The following HHAT variants were observed in gnomAD, a reference collection of about 807,000 sequenced individuals.
The protein encoded by HHAT is protein-cysteine N-palmitoyltransferase HHAT.
In HHAT, 47 loss-of-function variants were observed where a neutral mutation model predicts 70.8. That is an observed-to-expected ratio of 0.66 (90% CI 0.53 to 0.85). The LOEUF is 0.85. Among genes scored for constraint, HHAT ranks in the 40% least tolerant of loss-of-function variants. The pLI is 0.00. For synonymous variants in HHAT, 228 were observed against 247.6 expected (o/e 0.92, Z 0.74); for missense variants, 609 against 604.8 (o/e 1.01, Z -0.07).
chr1:210,387,636 A>G, intron 4 of HHAT, 55 bp downstream of exon 4: 3 of 1,374,652 alleles, frequency 2.2e-6, no homozygotes, highest in Non-Finnish European at 3.1e-6. Context: ...GCTTCTTGTG[A>G]AGAAAGAGTC....
intron 3 of HHAT, among the ~76,000 whole-genome samples, chr1:210,378,532 C>T (rs2090401046): frequency 6.6e-6 from 1 of 151,972 alleles, no homozygotes; most frequent in Non-Finnish European, 1.5e-5. Flanking sequence ...AGGTCATTTC[C>T]TTGTTTTTCT....
chr1:210,600,768 T>G (rs1664088019), intron 10 of HHAT, among the ~76,000 whole-genome samples: 1 of 152,148 alleles, frequency 6.6e-6, no homozygotes, highest in African/African-American at 2.4e-5. Context: ...GTGACACCAC[T>G]TCATGCCAAT....
At chr1:210,650,314 C>T (rs1035149234) in intron 11 of HHAT, among the ~76,000 whole-genome samples, 3 of 152,170 alleles carry the variant, frequency 2.0e-5, no homozygotes, top group African/African-American at 7.2e-5. Context: ...AGTGATGGAG[C>T]TCAGGACTCC....
At chr1:210,548,154 G>T (rs530562634) in intron 9 of HHAT, among the ~76,000 whole-genome samples, 235 of 152,286 alleles carry the variant, frequency 1.5e-3, no homozygotes, top group African/African-American at 5.5e-3. Flanking sequence ...TCTGCTGTCA[G>T]TGCTCACTGT....
rs755411403 is a variant in HHAT at position 210,634,663 on chromosome 1, CTTG to C, written c.1390+10999_1390+11001del. Among the ~76,000 whole-genome samples the C allele has an allele frequency of 5.9e-5, 9 of 152,160 alleles. No homozygotes were observed. The East Asian group carries it at 1.3e-3, about 23-fold the overall frequency. On this transcript the variant is annotated intron_variant, in intron 11 of 11. Transcript: ENST00000261458. ...TTAACTTAACAAAATTGTTCCTGATCTTGTTGTTTTTCTGTTTGTGTTCACAGT... is the reference window on the plus strand; with the variant it reads ...TTAACTTAACAAAATTGTTCCTGATCTTGTTTTTCTGTTTGTGTTCACAGT...
At chr1:210,353,965 A>G (rs553094881) in intron 2 of HHAT, among the ~76,000 whole-genome samples, 2 of 152,220 alleles carry the variant, frequency 1.3e-5, no homozygotes, top group African/African-American at 4.8e-5. Context: ...TTTTTCTCAG[A>G]AAGATTTCTA....
intron 11 of HHAT, among the ~76,000 whole-genome samples, chr1:210,672,482 G>A (rs1451086586): frequency 1.3e-5 from 2 of 152,154 alleles, no homozygotes; most frequent in Admixed American, 6.5e-5. Flanking sequence ...CTCAGCCCAC[G>A]TGGCCCAGTT....
chr1:210,427,806 A>C (rs1377659583), intron 7 of HHAT, among the ~76,000 whole-genome samples: 1 of 152,046 alleles, frequency 6.6e-6, no homozygotes, highest in African/African-American at 2.4e-5. Context: ...GCAGACATCT[A>C]TCAGGTCCAT....
In HHAT at chr1:210,637,665, T is replaced by C. The variant is rs141950703; in HGVS notation, c.1390+13995T>C. On this transcript the variant is annotated intron_variant, in intron 11 of 11. Coordinates refer to ENST00000261458, the MANE Select transcript of HHAT (RefSeq NM_018194.6). Reference sequence around the variant, plus strand: ...TAATGAGGTCAAGAGATCGAGACCATCCTGGCCAACATGTTGAAACCCCGT... The same window carrying C: ...TAATGAGGTCAAGAGATCGAGACCACCCTGGCCAACATGTTGAAACCCCGT... Among the ~76,000 whole-genome samples the C allele has an allele frequency of 1.6e-3, 248 of 152,144 alleles. 3 individuals are homozygous for C. In the East Asian group the frequency reaches 0.035, roughly 22 times the overall value.
chr1:210,509,452 T>TG (rs1337123311), intron 8 of HHAT, among the ~76,000 whole-genome samples: 4 of 152,174 alleles, frequency 2.6e-5, no homozygotes, highest in Admixed American at 1.3e-4. Context: ...TACTGTTCCC[T>TG]GGGGGGTCTT....
In HHAT at chr1:210,601,937, C is replaced by CAGAGAGAGAGAGAGAG. The variant is rs147826172; in HGVS notation, c.1245+13843_1245+13858dup. Among the ~76,000 whole-genome samples the CAGAGAGAGAGAGAGAG allele has an allele frequency of 8.6e-3, 1,271 of 147,310 alleles. 29 individuals carry two copies. The highest frequency in any genetic ancestry group is 0.03 in the African/African-American group (1,190 of 39,552). On this transcript the variant is annotated intron_variant, in intron 10 of 11. Transcript: ENST00000261458. ...TGGAGCCATGAGAATATTTGAGACT[C>CAGAGAGAGAGAGAGAG]AGAGAGAGAGAGAGAGAGAGTATGT...
chr1:210,617,965 A>G (rs529198174), intron 10 of HHAT, among the ~76,000 whole-genome samples: 1 of 152,340 alleles, frequency 6.6e-6, no homozygotes, highest in Non-Finnish European at 1.5e-5. Context: ...TATTTAGGGC[A>G]AAGAGCGAGA....
At chr1:210,490,575 C>T (rs2094535779) in intron 8 of HHAT, among the ~76,000 whole-genome samples, 1 of 152,120 alleles carries the variant, frequency 6.6e-6, no homozygotes, top group Non-Finnish European at 1.5e-5. Flanking sequence ...AATCAAACAC[C>T]TTAGCAAACT....
At chr1:210,582,373 C>A (rs1211651542) in intron 9 of HHAT, among the ~76,000 whole-genome samples, 2 of 152,118 alleles carry the variant, frequency 1.3e-5, no homozygotes, top group Non-Finnish European at 2.9e-5. Context: ...AGGAAACCAG[C>A]AAGCCCACCT....
chr1:210,355,965 G>A lies in HHAT; in HGVS notation c.92-6887G>A, dbSNP rs139429286. 1.5e-3 allele frequency among the ~76,000 whole-genome samples: 234 copies of A among 152,236 alleles called. 1 individual carries two copies. Among genetic ancestry groups the A allele is most frequent in the African/African-American group, 5.2e-3 (214 of 41,542 alleles). On this transcript the variant is annotated intron_variant, in intron 2 of 11. Transcript: ENST00000261458. ...AGTGTCTCATCCTGTTGCTCAGGCTGGAGTGTAGTGGCTCAGTCCTAGCTC... is the reference window on the plus strand; with the variant it reads ...AGTGTCTCATCCTGTTGCTCAGGCTAGAGTGTAGTGGCTCAGTCCTAGCTC...
chr1:210,489,835 C>T (rs936361883), intron 8 of HHAT, among the ~76,000 whole-genome samples: 2 of 152,172 alleles, frequency 1.3e-5, no homozygotes, highest in Non-Finnish European at 2.9e-5. Context: ...CAGATGCTCA[C>T]CCTATATCAC....
chr1:210,626,180 C>G (rs1248860249), intron 11 of HHAT, among the ~76,000 whole-genome samples: 1 of 152,128 alleles, frequency 6.6e-6, no homozygotes, highest in Non-Finnish European at 1.5e-5. Flanking sequence ...GGAGAAACCC[C>G]AGGGAATGCT....
intron 6 of HHAT, among the ~76,000 whole-genome samples, chr1:210,407,128 G>A (rs1241426832): frequency 6.6e-6 from 1 of 152,138 alleles, no homozygotes; most frequent in African/African-American, 2.4e-5. Context: ...TGTGGGGAAG[G>A]GGGCTTTAAA....
chr1:210,367,498 G>A (rs1406702323), intron 3 of HHAT, among the ~76,000 whole-genome samples: 1 of 152,168 alleles, frequency 6.6e-6, no homozygotes, highest in East Asian at 1.9e-4. Flanking sequence ...GGAGAAGGGG[G>A]CTGACCTTCA....
Sources: gnomAD v4.1 joint callset for allele counts (sites outside exome capture counted in the v4.1 genomes callset) on GRCh38, gnomAD v4.1.1 for gene constraint, MANE v1.5 for transcripts, NCBI Gene and HGNC (gene_info 2026-07-23, HGNC 2026-07-21) for gene names.